The following EPHA6 variants were observed in gnomAD, a reference collection of about 807,000 sequenced individuals.
The protein encoded by EPHA6 is ephrin type-A receptor 6.
Under a neutral mutation model 112.0 loss-of-function variants are expected in EPHA6, and 50 were observed. That is an observed-to-expected ratio of 0.45 (90% CI 0.36 to 0.56). EPHA6 has a LOEUF of 0.56. Among genes scored for constraint, EPHA6 ranks in the 20% least tolerant of loss-of-function variants. The probability of loss-of-function intolerance (pLI) is 0.00; values close to 1 mark genes in which losing one functional copy is unlikely to be tolerated. For missense variants in EPHA6, 1,280 were observed against 1,417.4 expected (o/e 0.90, Z 1.56); for synonymous variants, 529 against 490.7 (o/e 1.08, Z -1.03).
At position 97,104,223 on chromosome 3, in the gene EPHA6, C is replaced by A. The variant is rs115915651; in HGVS notation, c.1114+116230C>A. Among the ~76,000 whole-genome samples, 757 of 152,176 alleles carry A rather than the reference C, an allele frequency of 5.0e-3. 6 individuals are homozygous for A. The highest frequency in any genetic ancestry group is 0.016 in the African/African-American group (667 of 41,522). On this transcript the variant is annotated intron_variant, in intron 3 of 17. Transcript: ENST00000389672. ...TGAGAGAGGACATCCCTGTCTTACG[C>A]CCTTTTCAAATATAATGCTTCCAGC...
chr3:96,896,161 T>A (rs2038259087), intron 2 of EPHA6, among the ~76,000 whole-genome samples: 1 of 152,232 alleles, frequency 6.6e-6, no homozygotes, highest in African/African-American at 2.4e-5. Context: ...TTGCCTTTTT[T>A]ACTCTGTCCT....
intron 11 of EPHA6, among the ~76,000 whole-genome samples, chr3:97,580,899 A>C (rs1420864859): frequency 6.6e-6 from 1 of 152,184 alleles, no homozygotes; most frequent in Non-Finnish European, 1.5e-5. Flanking sequence ...ATCTTATTTG[A>C]AAATAGAGCC....
intron 14 of EPHA6, among the ~76,000 whole-genome samples, chr3:97,641,779 A>G (rs1373381503): frequency 9.2e-5 from 14 of 152,250 alleles, no homozygotes; most frequent in East Asian, 5.8e-4. Flanking sequence ...CACCTGGCTC[A>G]GAGGGTCCTA....
At chr3:97,363,949 A>G (rs1249127180) in intron 5 of EPHA6, among the ~76,000 whole-genome samples, 1 of 152,124 alleles carries the variant, frequency 6.6e-6, no homozygotes, top group Non-Finnish European at 1.5e-5. Context: ...TGTACCTAGA[A>G]TAGTCAAATT....
intron 2 of EPHA6, among the ~76,000 whole-genome samples, chr3:96,960,549 G>A (rs879589298): frequency 6.6e-6 from 1 of 152,112 alleles, no homozygotes; most frequent in Non-Finnish European, 1.5e-5. Context: ...TTCAAATATA[G>A]TCTACAAAGT....
intron 10 of EPHA6, among the ~76,000 whole-genome samples, chr3:97,528,387 T>A (rs1356536461): frequency 6.6e-6 from 1 of 152,080 alleles, no homozygotes; most frequent in Non-Finnish European, 1.5e-5. Flanking sequence ...GAGAGAGGGA[T>A]GTCAAAGCTC....
At chr3:97,366,178 T>C (rs995726465) in intron 5 of EPHA6, among the ~76,000 whole-genome samples, 1 of 152,232 alleles carries the variant, frequency 6.6e-6, no homozygotes, top group Non-Finnish European at 1.5e-5. Context: ...TTGTGATTTA[T>C]TGATCCTTTG....
intron 2 of EPHA6, among the ~76,000 whole-genome samples, chr3:96,959,793 A>G (rs1386911417): frequency 6.6e-6 from 1 of 151,930 alleles, no homozygotes. Context: ...ATCAAAACGA[A>G]ACATAGAAAA....
intron 6 of EPHA6, among the ~76,000 whole-genome samples, chr3:97,443,073 C>T (rs1377655723): frequency 6.6e-6 from 1 of 151,998 alleles, no homozygotes; most frequent in Non-Finnish European, 1.5e-5. Flanking sequence ...AAATCATGTT[C>T]TAAATGTGGT....
At chr3:97,354,984 A>T (rs2083995394) in intron 5 of EPHA6, among the ~76,000 whole-genome samples, 1 of 152,168 alleles carries the variant, frequency 6.6e-6, no homozygotes, top group Non-Finnish European at 1.5e-5. Flanking sequence ...ACAAACAAAC[A>T]ACCCTTTATC....
At chr3:97,413,967 T>C (rs921035743) in intron 6 of EPHA6, among the ~76,000 whole-genome samples, 1 of 152,006 alleles carries the variant, frequency 6.6e-6, no homozygotes, top group African/African-American at 2.4e-5. Flanking sequence ...ATTTGTTCAT[T>C]TCAGATGCAA....
At chr3:96,882,355 T>C (rs1188249274) in intron 2 of EPHA6, among the ~76,000 whole-genome samples, 3 of 152,210 alleles carry the variant, frequency 2.0e-5, no homozygotes, top group African/African-American at 7.2e-5. Flanking sequence ...GTTTTTTATT[T>C]TATTTTTCCG....
chr3:97,736,447 TAGAG>T (rs3064321), intron 16 of EPHA6, among the ~76,000 whole-genome samples: 35,891 of 129,646 alleles, frequency 0.28, 5,556 homozygotes, highest in Non-Finnish European at 0.36. Context: ...CCTTTAGAAG[TAGAG>T]AGAGAGAGAG....
chr3:97,615,466 A>G (rs2093757805), intron 13 of EPHA6, among the ~76,000 whole-genome samples: 1 of 152,180 alleles, frequency 6.6e-6, no homozygotes. Context: ...GGGGCAGAGC[A>G]GCATCGGTCT....
intron 10 of EPHA6, among the ~76,000 whole-genome samples, chr3:97,505,522 C>G (rs1447928746): frequency 6.6e-6 from 1 of 152,116 alleles, no homozygotes; most frequent in African/African-American, 2.4e-5. Flanking sequence ...ATGAACTCAT[C>G]CTTTTTTATG....
intron 5 of EPHA6, among the ~76,000 whole-genome samples, chr3:97,314,169 CA>C (rs2081696782): frequency 1.3e-5 from 2 of 151,522 alleles, no homozygotes; most frequent in Admixed American, 1.3e-4. Flanking sequence ...GCACCTTTGT[CA>C]AAAATTAATT....
intron 3 of EPHA6, among the ~76,000 whole-genome samples, chr3:97,027,379 A>G (rs753647313): frequency 1.3e-5 from 2 of 152,110 alleles, no homozygotes; most frequent in African/African-American, 2.4e-5. Context: ...TCTGTACAAC[A>G]AACCCCTATG....
At chr3:97,498,488 T>C (rs1235264246) in intron 10 of EPHA6, among the ~76,000 whole-genome samples, 2 of 151,760 alleles carry the variant, frequency 1.3e-5, no homozygotes, top group African/African-American at 4.8e-5. Flanking sequence ...GAGAAAAAAA[T>C]AAAGGGGTAG....
chr3:97,736,154 C>T (rs2035242373), intron 16 of EPHA6, 36 bp downstream of exon 16: 1 of 1,543,058 alleles, frequency 6.5e-7, no homozygotes, highest in African/African-American at 1.4e-5. Context: ...TTCTTCTTGA[C>T]AATTATGGTT....
Sources: gnomAD v4.1 joint callset for allele counts (sites outside exome capture counted in the v4.1 genomes callset) on GRCh38, gnomAD v4.1.1 for gene constraint, MANE v1.5 for transcripts, NCBI Gene and HGNC (gene_info 2026-07-23, HGNC 2026-07-21) for gene names.